The following EPCAM variants were observed in gnomAD, a reference collection of about 807,000 sequenced individuals.
EPCAM encodes the protein epithelial cell adhesion molecule.
EPCAM carries 39 observed loss-of-function variants against 40.0 expected under a neutral mutation model. That is an observed-to-expected ratio of 0.98 (90% confidence interval 0.76 to 1.27). The LOEUF (loss-of-function observed/expected upper bound fraction) is 1.27. Among genes scored for constraint, EPCAM ranks in the 50% most tolerant of loss-of-function variants. The pLI, the probability that EPCAM is intolerant of heterozygous loss-of-function variation, is 0.00. For missense variants in EPCAM, 503 were observed against 381.2 expected, an observed-to-expected ratio of 1.32 and a Z score of -2.66; for synonymous variants, 168 against 132.3, an observed-to-expected ratio of 1.27 and a Z score of -1.85.
intron 1 of EPCAM, among the ~76,000 whole-genome samples, chr2:47,370,526 C>T (rs995152690): frequency 1.3e-5 from 2 of 151,560 alleles, no homozygotes; most frequent in Non-Finnish European, 1.5e-5. Context: ...CCGCCCGCCT[C>T]GGCCTCCCAA....
intron 8 of EPCAM, 73 bp from the exon 9 acceptor site, chr2:47,386,499 A>T (rs778649772): frequency 1.8e-6 from 2 of 1,106,058 alleles, no homozygotes; most frequent in Non-Finnish European, 2.7e-6. Context: ...ATTTTTATTT[A>T]ATACTATTTT....
In EPCAM at chr2:47,384,261, G is replaced by A. The variant is rs571081879; in HGVS notation, c.859-905G>A. On this transcript the variant is annotated intron_variant, in intron 7 of 8. Coordinates refer to ENST00000263735, the MANE Select transcript of EPCAM (RefSeq NM_002354.3). ...TGGGATTACAGGCGCCTGCCACCACGCCTGGCTAATTTTTGTATCTTTAGT... is the reference window on the plus strand; with the variant it reads ...TGGGATTACAGGCGCCTGCCACCACACCTGGCTAATTTTTGTATCTTTAGT... Among the ~76,000 whole-genome samples, 234 of 151,552 alleles carry A rather than the reference G, an allele frequency of 1.5e-3. No individual in the cohort carries two copies. The Middle Eastern group carries it at 0.045, about 29-fold the overall frequency.
chr2:47,375,450 C>T (rs552769572), intron 4 of EPCAM, 151 bp downstream of exon 4: 8 of 661,714 alleles, frequency 1.2e-5, no homozygotes, highest in East Asian at 2.8e-5. Flanking sequence ...CACAGAGATT[C>T]TGGGAATACA....
chr2:47,377,372 G>A (rs978295335), intron 5 of EPCAM, among the ~76,000 whole-genome samples: 3 of 152,060 alleles, frequency 2.0e-5, no homozygotes, highest in Non-Finnish European at 2.9e-5. Context: ...GAGGAGCTGG[G>A]ACTACAGGCA....
intron 4 of EPCAM, among the ~76,000 whole-genome samples, chr2:47,376,639 A>T (rs1220348134): frequency 6.6e-6 from 1 of 152,120 alleles, no homozygotes; most frequent in Non-Finnish European, 1.5e-5. Flanking sequence ...GTCCTTTATA[A>T]TACTTCACAT....
chr2:47,377,192 T>G lies in EPCAM; in HGVS notation c.555+115T>G. 4 of 784,968 alleles carry G rather than the reference T, an allele frequency of 5.1e-6. No homozygotes were observed. The South Asian group carries it at 5.5e-5, about 11-fold the overall frequency. The allele number at this position is 784,968 out of a possible 1,614,324, so 48.6% of individuals were successfully genotyped here. A position where few individuals can be genotyped will look rare whatever the true frequency, so the allele number is the denominator to read the frequency against. ...TAAATGCACTTACTGGAGCAACAGTTTCGGATCTGGGTACTTAATGTGAAT... is the reference window on the plus strand; with the variant it reads ...TAAATGCACTTACTGGAGCAACAGTGTCGGATCTGGGTACTTAATGTGAAT... On this transcript the variant is annotated intron_variant, in intron 5 of 8. Transcript: ENST00000263735.
At chr2:47,377,212 G>T in intron 5 of EPCAM, 135 bp downstream of exon 5, 1 of 729,782 alleles carries the variant, frequency 1.4e-6, no homozygotes, top group Admixed American at 2.0e-5. Context: ...GGTACTTAAT[G>T]TGAATTTCCT....
chr2:47,381,832 T>A (rs561895155), intron 7 of EPCAM, among the ~76,000 whole-genome samples: 2 of 152,268 alleles, frequency 1.3e-5, no homozygotes, highest in South Asian at 4.1e-4. Context: ...AGTAGCATGA[T>A]CATAACTCAC....
chr2:47,384,457 A>G (rs1327330552), intron 7 of EPCAM, among the ~76,000 whole-genome samples: 2 of 151,544 alleles, frequency 1.3e-5, no homozygotes, highest in African/African-American at 2.4e-5. Flanking sequence ...TCTGTCGCCC[A>G]GGCTGGAGTG....
chr2:47,386,461 A>G, intron 8 of EPCAM, 111 bp from the exon 9 acceptor site: 1 of 812,498 alleles, frequency 1.2e-6, no homozygotes, highest in Non-Finnish European at 2.0e-6. Flanking sequence ...AAATGTGGGA[A>G]AAAATTATCT....
intron 1 of EPCAM, among the ~76,000 whole-genome samples, chr2:47,370,094 A>T (rs571261360): frequency 3.3e-4 from 51 of 152,354 alleles, no homozygotes; most frequent in African/African-American, 1.2e-3. Flanking sequence ...TGCGCGCGGC[A>T]GGCGGCCCGG....
intron 8 of EPCAM, among the ~76,000 whole-genome samples, chr2:47,385,461 G>A (rs1281767238): frequency 3.3e-5 from 5 of 152,176 alleles, no homozygotes; most frequent in African/African-American, 9.6e-5. Context: ...ATTCTACAAA[G>A]AGTCAACATC....
At chr2:47,386,234 A>G (rs1671739459) in intron 8 of EPCAM, among the ~76,000 whole-genome samples, 1 of 152,180 alleles carries the variant, frequency 6.6e-6, no homozygotes, top group African/African-American at 2.4e-5. Context: ...GTTTCCCCAC[A>G]TGTAAAATGA....
chr2:47,384,233 A>G (rs1333679740), intron 7 of EPCAM, among the ~76,000 whole-genome samples: 3 of 150,872 alleles, frequency 2.0e-5, no homozygotes, highest in Non-Finnish European at 4.4e-5. Flanking sequence ...CCTCCCGAGT[A>G]GATGGGATTA....
At chr2:47,383,189 C>G (rs1384768330) in intron 7 of EPCAM, 1 of 151,890 alleles carries the variant, frequency 6.6e-6, no homozygotes, top group Non-Finnish European at 1.5e-5. Context: ...ACCTGTAATC[C>G]CAGCTACTTG....
chr2:47,372,153 CACTT>C (rs1314857944), intron 1 of EPCAM, among the ~76,000 whole-genome samples: 2 of 152,136 alleles, frequency 1.3e-5, no homozygotes, highest in African/African-American at 2.4e-5. Flanking sequence ...TTAGGAAACT[CACTT>C]AAAGGGAGGA....
At chr2:47,383,936 C>CTAAA (rs1573404656) in intron 7 of EPCAM, among the ~76,000 whole-genome samples, 2 of 151,666 alleles carry the variant, frequency 1.3e-5, no homozygotes, top group Admixed American at 1.3e-4. Flanking sequence ...CATGCCTGGC[C>CTAAA]TAAACTGTTA....
At chr2:47,372,945 C>T (rs911527528) in intron 1 of EPCAM, among the ~76,000 whole-genome samples, 1 of 151,976 alleles carries the variant, frequency 6.6e-6, no homozygotes, top group Non-Finnish European at 1.5e-5. Flanking sequence ...GTGGCTCATG[C>T]CTGTAATCCC....
At position 47,379,801 on chromosome 2, in the gene EPCAM, A is replaced by C. The variant is rs864622463; in HGVS notation, c.690A>C (p.Lys230Asn). Residue 230 changes from lysine (K) to asparagine (N), a missense_variant, in exon 7 of 9, where the codon AAA becomes AAC. Lys to Asn is a moderately conservative substitution (Grantham distance 94). Coordinates refer to ENST00000263735, the MANE Select transcript of EPCAM (RefSeq NM_002354.3). ...GTGAATCCTTGTTTCATTCTAAGAA[A>C]ATGGACCTGACAGTAAATGGGGAAC... is the stretch of plus-strand genomic sequence containing the variant. ...VKGESLFHSK[K>N]MDLTVNGEQL... 1.2e-6 allele frequency: 2 copies of C among 1,613,896 alleles called. No homozygotes were observed. The highest frequency in any genetic ancestry group is 1.7e-6 in the Non-Finnish European group (2 of 1,179,956).
Sources: gnomAD v4.1 joint callset for allele counts (sites outside exome capture counted in the v4.1 genomes callset) on GRCh38, gnomAD v4.1.1 for gene constraint, MANE v1.5 for transcripts, NCBI Gene and HGNC (gene_info 2026-07-23, HGNC 2026-07-21) for gene names.